Variants in MYO1F observed in about 807,000 individuals in gnomAD.
MYO1F encodes the protein myosin IF.
Under a neutral mutation model 146.6 loss-of-function variants are expected in MYO1F, and 60 were observed. The ratio of observed to expected loss-of-function variants is 0.41; its 90% confidence interval spans 0.33 to 0.51. The LOEUF is 0.51. Ranked by LOEUF, MYO1F falls within the 20% of genes least tolerant of loss-of-function variation. The pLI is 0.25. For synonymous variants in MYO1F, 602 were observed against 602.1 expected (o/e 1.00, Z 0.00); for missense variants, 1,274 against 1,534.3 (o/e 0.83, Z 2.83).
At chr19:8,563,582 C>G (rs2041946345) in intron 1 of MYO1F, among the ~76,000 whole-genome samples, 1 of 151,560 alleles carries the variant, frequency 6.6e-6, no homozygotes, top group Non-Finnish European at 1.5e-5. Flanking sequence ...GATCTCAGCT[C>G]ACTGCAACCT....
rs73004514 is a variant in MYO1F at position 8,548,249 on chromosome 19, G to C, written c.1170C>G (p.Phe390Leu). The C allele has an allele frequency of 2.5e-6, 4 of 1,614,022 alleles. No individual in the cohort carries two copies. Among genetic ancestry groups the C allele is most frequent in the Non-Finnish European group, 3.4e-6 (4 of 1,179,992 alleles). The change falls in exon 11 of 28, where the codon TTC becomes TTG. Residue 390 changes from phenylalanine (F) to leucine (L), a missense_variant. Phe to Leu is a conservative substitution (Grantham distance 22, BLOSUM62 0). Transcript: ENST00000644032. ...YSIGVLDIYGFEIFQKNGFEQ... is the reference protein window; with the variant it reads ...YSIGVLDIYGLEIFQKNGFEQ... ...CAGGGGGCCGTACCTGGAAGATCTCGAAGCCGTAAATGTCCAGCACACCGA... is the reference window on the plus strand; with the variant it reads ...CAGGGGGCCGTACCTGGAAGATCTCCAAGCCGTAAATGTCCAGCACACCGA...
At chr19:8,547,339 C>T (rs1233523359) in intron 12 of MYO1F, among the ~76,000 whole-genome samples, 1 of 141,492 alleles carries the variant, frequency 7.1e-6, no homozygotes, top group African/African-American at 2.6e-5. Flanking sequence ...GGAATGGTGG[C>T]TCCCATCTGT....
At chr19:8,545,548 G>A (rs1207516284) in intron 13 of MYO1F, 102 bp downstream of exon 13, 2 of 951,102 alleles carry the variant, frequency 2.1e-6, no homozygotes, top group South Asian at 1.3e-5. Flanking sequence ...GGGTAGAGAA[G>A]GGCCTGAGGA....
At chr19:8,532,755 G>A (rs892812304) in intron 19 of MYO1F, among the ~76,000 whole-genome samples, 1 of 151,888 alleles carries the variant, frequency 6.6e-6, no homozygotes, top group Non-Finnish European at 1.5e-5. Context: ...GAGGGTGATG[G>A]CACGCATGTG....
chr19:8,551,159 C>T (rs967859833), intron 8 of MYO1F, among the ~76,000 whole-genome samples: 7 of 149,674 alleles, frequency 4.7e-5, no homozygotes, highest in Non-Finnish European at 1.0e-4. Flanking sequence ...TTAAGCGATT[C>T]TCCTGCCTCA....
chr19:8,553,156 T>A lies in MYO1F; in HGVS notation c.487A>T (p.Asn163Tyr), dbSNP rs763847411. The A allele has an allele frequency of 6.2e-7, 1 of 1,614,170 alleles. No homozygotes were observed. Among genetic ancestry groups the A allele is most frequent in the African/African-American group, 1.3e-5 (1 of 75,038 alleles). The part of the protein sequence containing the change: ...AFGNAKTVRN[N>Y]NSSRFGKYFE... ...AGACTTACAAAGCGGCTGGAATTGT[T>A]GTTGCGCACAGTCTTGGCGTTGCCG... The change falls in exon 6 of 28, where the codon AAC becomes TAC. Residue 163 changes from asparagine to tyrosine, a missense_variant. Around this residue, in one of 2 missense-constraint regions of MYO1F, gnomAD observed 900 missense variants for 1,155.1 expected, o/e 0.78. Transcript: ENST00000644032.
At position 8,550,821 on chromosome 19, in the gene MYO1F, TTCAG is replaced by T. The variant is rs1354409849; in HGVS notation, c.772-131_772-128del. On this transcript the variant is annotated intron_variant, in intron 8 of 27. Coordinates refer to ENST00000644032, the MANE Select transcript of MYO1F (RefSeq NM_012335.4). ...ACCCTTGGGTCCCTGTCCTACCCCTTTCAGTCACTTGCCGCGTGACCTTGGGTAA... is the reference window on the plus strand; with the variant it reads ...ACCCTTGGGTCCCTGTCCTACCCCTTTCACTTGCCGCGTGACCTTGGGTAA... 2.4e-6 allele frequency: 3 copies of T among 1,244,500 alleles called. No homozygotes were observed. The Admixed American group carries it at 5.7e-5, about 24-fold the overall frequency. 77.1% of individuals were successfully genotyped at this position (1,244,500 alleles called of 1,614,324 possible). A position where few individuals can be genotyped will look rare whatever the true frequency, so the allele number is the denominator to read the frequency against.
chr19:8,542,142 G>A, intron 14 of MYO1F, 151 bp from the exon 15 acceptor site: 2 of 649,680 alleles, frequency 3.1e-6, no homozygotes, highest in South Asian at 1.5e-5. Flanking sequence ...TGGCTGGGGG[G>A]TATCTACAGT....
chr19:8,555,695 G>A lies in MYO1F; in HGVS notation c.105C>T (p.Ala35=). 1.2e-6 allele frequency: 2 copies of A among 1,614,168 alleles called. No homozygotes were observed. ...CGTCCATGAAGCGCTTCCGGAGGTT[G>A]GCGGCAATGGCGTCTTCGGTGATCT... ...LPQITEDAIA[A]NLRKRFMDDY... is the part of the protein sequence containing the mutation. Residue 35 remains alanine, a synonymous_variant, in exon 2 of 28, where the codon GCC becomes GCT. Coordinates refer to ENST00000644032, the MANE Select transcript of MYO1F (RefSeq NM_012335.4).
chr19:8,528,186 C>T (rs1429032245), intron 21 of MYO1F, among the ~76,000 whole-genome samples: 1 of 151,902 alleles, frequency 6.6e-6, no homozygotes, highest in East Asian at 1.9e-4. Context: ...CCTGCCACTG[C>T]ACTCCAGCCT....
rs60799506 is a variant in MYO1F at position 8,532,903 on chromosome 19, T to TACACACACAC, written c.2044-2340_2044-2331dup. Among the ~76,000 whole-genome samples, 197 of 113,160 alleles carry TACACACACAC rather than the reference T, an allele frequency of 1.7e-3. 2 individuals are homozygous for TACACACACAC. The highest frequency in any genetic ancestry group is 2.3e-3 in the Non-Finnish European group (129 of 56,226). The allele number at this position is 113,160 out of a possible 152,430, so 74.2% of individuals were successfully genotyped here. On this transcript the variant is annotated intron_variant, in intron 19 of 27. Transcript: ENST00000644032. ...ATCCTGTCTCAGAAAAAAAAAAAAA[T>TACACACACAC]ACACACACACACACACACACACACA...
At chr19:8,525,144 G>A (rs922211081) in intron 25 of MYO1F, 10 of 218,750 alleles carry the variant, frequency 4.6e-5, no homozygotes, top group African/African-American at 2.1e-4. Context: ...AGGTTGCAGT[G>A]AACCGAGATC....
Position 8,530,610 on chromosome 19 carries a change from G to T in MYO1F, c.2044-37C>A. 1 of 1,520,862 alleles carries T rather than the reference G, an allele frequency of 6.6e-7. No homozygotes were observed. 94.2% of individuals were successfully genotyped at this position (1,520,862 alleles called of 1,614,324 possible). A position where few individuals can be genotyped will look rare whatever the true frequency, so the allele number is the denominator to read the frequency against. On this transcript the variant is annotated intron_variant, in intron 19 of 27. Coordinates refer to ENST00000644032, the MANE Select transcript of MYO1F (RefSeq NM_012335.4). This position sits in a 1 kb window ranked among gnomAD's most constrained non-coding sequence, Gnocchi z 5.8. The stretch of plus-strand genomic sequence containing the variant: ...TCGTGGGGGGCAAGGGTGAGTCCTG[G>T]TGTCTCCCCAGGGGCTGCAGTTCCG...
At chr19:8,534,139 A>G (rs1281174793) in intron 19 of MYO1F, among the ~76,000 whole-genome samples, 3 of 150,348 alleles carry the variant, frequency 2.0e-5, no homozygotes, top group Non-Finnish European at 4.4e-5. Flanking sequence ...AGATTGCGCC[A>G]TTCCACTTTA....
At chr19:8,552,346 C>T (rs1973650728) in intron 6 of MYO1F, among the ~76,000 whole-genome samples, 182 bp from the exon 7 acceptor site, 1 of 152,036 alleles carries the variant, frequency 6.6e-6, no homozygotes, top group South Asian at 2.1e-4. Flanking sequence ...GCAACGTCCA[C>T]CTCCTGGGTT....
In MYO1F at chr19:8,548,334, G is replaced by C. The variant is rs59718615; in HGVS notation, c.1102-17C>G. 110,320 of 1,612,608 alleles carry C rather than the reference G, an allele frequency of 0.068. 11,144 individuals are homozygous for C. The highest frequency in any genetic ancestry group is 0.44 in the African/African-American group (32,737 of 74,734). On this transcript the variant is annotated splice_polypyrimidine_tract_variant and intron_variant, in intron 10 of 27. Transcript: ENST00000644032. ...GTTGATGGCCTGCGGTGTGGGTGGG[G>C]ACAGGAAGTCAGTGGGCATCGGTCA...
chr19:8,553,523 G>A, intron 4 of MYO1F, 86 bp from the exon 5 acceptor site: 1 of 1,076,584 alleles, frequency 9.3e-7, no homozygotes, highest in Non-Finnish European at 1.4e-6. Flanking sequence ...AGCACCTACT[G>A]TGTGCCTGCC....
intron 1 of MYO1F, among the ~76,000 whole-genome samples, chr19:8,563,712 A>C (rs144867079): frequency 0.032 from 4,775 of 151,470 alleles, 257 homozygotes; most frequent in African/African-American, 0.11. Context: ...GGCTTTCACT[A>C]TGTTGGTCAG....
In MYO1F at chr19:8,551,153, G is replaced by C. The variant is rs1022170100; in HGVS notation, c.772-459C>G. ...TGCAACCTCCACCTCCCGGGTTTAA[G>C]CGATTCTCCTGCCTCAGCCTCCCTA... On this transcript the variant is annotated intron_variant, in intron 8 of 27. Transcript: ENST00000644032. Among the ~76,000 whole-genome samples the C allele has an allele frequency of 9.2e-5, 14 of 151,848 alleles. No individual in the cohort carries two copies. The Admixed American group carries it at 9.2e-4, about 10-fold the overall frequency.
Sources: gnomAD v4.1 joint callset for allele counts (sites outside exome capture counted in the v4.1 genomes callset) on GRCh38, gnomAD v4.1.1 for gene constraint, gnomAD v4.1.1 regional missense constraint, Gnocchi (gnomAD v3.1) non-coding constraint, MANE v1.5 for transcripts, NCBI Gene and HGNC (gene_info 2026-07-23, HGNC 2026-07-21) for gene names.